Variants in PATJ observed in about 807,000 individuals in gnomAD.
The protein encoded by PATJ is PATJ crumbs cell polarity complex component.
In PATJ, 190 loss-of-function variants were observed where a neutral mutation model predicts 224.9. The observed-to-expected ratio is 0.84, with a 90% CI of 0.75 to 0.95. PATJ has a LOEUF of 0.95. Ranked by LOEUF, PATJ falls within the 40% of genes least tolerant of loss-of-function variation. PATJ has a pLI of 0.00. For synonymous variants in PATJ, 769 were observed against 820.3 expected (o/e 0.94, Z 1.07); for missense variants, 2,121 against 2,270.3 (o/e 0.93, Z 1.34).
chr1:61,810,552 C>T (rs531363424), intron 14 of PATJ, among the ~76,000 whole-genome samples: 3 of 151,994 alleles, frequency 2.0e-5, no homozygotes, highest in Admixed American at 2.0e-4. Context: ...CAAAACTTAG[C>T]CGGGCATGGT....
chr1:62,051,183 A>G, intron 31 of PATJ, 125 bp downstream of exon 31: 1 of 712,116 alleles, frequency 1.4e-6, no homozygotes, highest in Non-Finnish European at 2.4e-6. Context: ...CTGTGAGACA[A>G]GAAGCTATTA....
intron 34 of PATJ, among the ~76,000 whole-genome samples, chr1:62,108,762 G>A (rs1258801351): frequency 6.6e-6 from 1 of 151,572 alleles, no homozygotes; most frequent in Non-Finnish European, 1.5e-5. Flanking sequence ...AGAACTTATG[G>A]GTCTATTATT....
intron 1 of PATJ, among the ~76,000 whole-genome samples, chr1:61,751,245 G>A (rs1030822410): frequency 2.4e-4 from 37 of 151,850 alleles, no homozygotes; most frequent in South Asian, 2.1e-4. Context: ...CAAGTGATCC[G>A]TCTCCTTGGC....
intron 31 of PATJ, among the ~76,000 whole-genome samples, chr1:62,056,136 A>G (rs1654494568): frequency 6.6e-6 from 1 of 152,074 alleles, no homozygotes; most frequent in Non-Finnish European, 1.5e-5. Context: ...TGCTTGGTCC[A>G]CTGCTTCAAA....
intron 27 of PATJ, among the ~76,000 whole-genome samples, chr1:61,960,491 G>A (rs370098384): frequency 5.9e-5 from 9 of 151,780 alleles, no homozygotes; most frequent in South Asian, 4.2e-4. Flanking sequence ...GTGAAACCCC[G>A]TCTCTACTAA....
chr1:62,133,202 A>G (rs1201847587), intron 41 of PATJ, among the ~76,000 whole-genome samples: 1 of 141,796 alleles, frequency 7.1e-6, no homozygotes, highest in African/African-American at 2.8e-5. Context: ...ATGTGCTTCT[A>G]GGGAGGGCAA....
chr1:62,079,373 C>T, intron 31 of PATJ, 77 bp from the exon 32 acceptor site: 2 of 855,304 alleles, frequency 2.3e-6, no homozygotes, highest in Admixed American at 1.8e-5. Flanking sequence ...GTTTTGGTAA[C>T]AATACACCAG....
chr1:61,753,805 C>T (rs1278981999), intron 1 of PATJ, among the ~76,000 whole-genome samples: 1 of 151,504 alleles, frequency 6.6e-6, no homozygotes, highest in Non-Finnish European at 1.5e-5. Context: ...CCACTGTGCC[C>T]AGCCTATATA....
intron 17 of PATJ, among the ~76,000 whole-genome samples, chr1:61,855,432 G>T (rs1663496824): frequency 6.6e-6 from 1 of 152,046 alleles, no homozygotes; most frequent in East Asian, 1.9e-4. Flanking sequence ...ACAGGGTCTT[G>T]GTCTGTCACC....
At chr1:61,965,436 T>C (rs888781480) in intron 27 of PATJ, among the ~76,000 whole-genome samples, 5 of 152,236 alleles carry the variant, frequency 3.3e-5, no homozygotes, top group African/African-American at 4.8e-5. Context: ...TAATATCTTC[T>C]ACCTTCATCT....
chr1:61,867,573 A>ATT (rs59246792), intron 20 of PATJ, among the ~76,000 whole-genome samples: 21,113 of 144,568 alleles, frequency 0.15, 1,633 homozygotes, highest in South Asian at 0.26. Context: ...AATCTGTAAA[A>ATT]TTTTTTTTTT....
rs139242142 is a variant in PATJ, at chr1:62,111,147, A to G, written c.4461+2627A>G. On this transcript the variant is annotated intron_variant, in intron 34 of 43. Coordinates refer to ENST00000642238, the MANE Select transcript of PATJ (RefSeq NM_001350145.3). ...AGCTTAATGACAATGCTTTTAATTA[A>G]AAGTATATTTGTTAGGGCCTTTCGA... is the stretch of plus-strand genomic sequence containing the variant. Among the ~76,000 whole-genome samples, 1,130 of 152,332 alleles carry G rather than the reference A, an allele frequency of 7.4e-3. 13 individuals are homozygous for G. Among genetic ancestry groups the G allele is most frequent in the African/African-American group, 0.026 (1,077 of 41,582 alleles).
chr1:61,903,238 T>C (rs1450281799), intron 24 of PATJ, among the ~76,000 whole-genome samples: 2 of 152,184 alleles, frequency 1.3e-5, no homozygotes, highest in African/African-American at 4.8e-5. Context: ...AGAGAAAGAA[T>C]GGCGGCCTGG....
chr1:61,949,795 A>C lies in PATJ; in HGVS notation c.3670+21966A>C, dbSNP rs1356125217. 3.3e-5 allele frequency among the ~76,000 whole-genome samples: 5 copies of C among 149,520 alleles called. No individual in the cohort carries two copies. In the East Asian group the frequency reaches 1.0e-3, roughly 31 times the overall value. On this transcript the variant is annotated intron_variant, in intron 27 of 43. Coordinates refer to ENST00000642238, the MANE Select transcript of PATJ (RefSeq NM_001350145.3). ...GGGGCATATGCCTGTAATACTGGCTACTTGGGAGGCTGAGGCAGGAGAATC... is the reference window on the plus strand; with the variant it reads ...GGGGCATATGCCTGTAATACTGGCTCCTTGGGAGGCTGAGGCAGGAGAATC...
At chr1:61,930,466 A>C (rs1480208136) in intron 27 of PATJ, among the ~76,000 whole-genome samples, 1 of 152,192 alleles carries the variant, frequency 6.6e-6, no homozygotes, top group Non-Finnish European at 1.5e-5. Context: ...GTATGGCTAC[A>C]TAACTTTCCC....
At chr1:62,118,021 T>C (rs890689201) in intron 37 of PATJ, among the ~76,000 whole-genome samples, 1 of 152,168 alleles carries the variant, frequency 6.6e-6, no homozygotes, top group African/African-American at 2.4e-5. Context: ...GATCTTACAG[T>C]TAGCACACAG....
At chr1:61,997,410 T>C (rs1645429244) in intron 28 of PATJ, among the ~76,000 whole-genome samples, 1 of 152,198 alleles carries the variant, frequency 6.6e-6, no homozygotes, top group Non-Finnish European at 1.5e-5. Flanking sequence ...CATTACAGCG[T>C]TGTAACCAAT....
intron 27 of PATJ, among the ~76,000 whole-genome samples, chr1:61,965,430 A>C (rs1681990765): frequency 6.6e-6 from 1 of 152,188 alleles, no homozygotes; most frequent in Non-Finnish European, 1.5e-5. Flanking sequence ...TATCTTTAAT[A>C]TCTTCTACCT....
intron 14 of PATJ, among the ~76,000 whole-genome samples, chr1:61,811,347 G>T (rs1654722352): frequency 6.6e-6 from 1 of 151,950 alleles, no homozygotes; most frequent in African/African-American, 2.4e-5. Flanking sequence ...TCCTGCCTCA[G>T]CCTCCCAGGT....
Sources: gnomAD v4.1 joint callset for allele counts (sites outside exome capture counted in the v4.1 genomes callset) on GRCh38, gnomAD v4.1.1 for gene constraint, MANE v1.5 for transcripts, NCBI Gene and HGNC (gene_info 2026-07-23, HGNC 2026-07-21) for gene names.